ABTB2: variants seen among roughly 807,000 people sequenced by gnomAD.
The protein encoded by ABTB2 is ankyrin repeat and BTB/POZ domain-containing protein 2.
Under a neutral mutation model 104.1 loss-of-function variants are expected in ABTB2, and 56 were observed. The observed-to-expected ratio is 0.54, with a 90% CI of 0.43 to 0.67. The LOEUF is 0.67. Ranked by LOEUF, ABTB2 falls within the 30% of genes least tolerant of loss-of-function variation. The pLI, the probability that ABTB2 is intolerant of heterozygous loss-of-function variation, is 0.00. For missense variants in ABTB2, 1,279 were observed against 1,407.7 expected (o/e 0.91, Z 1.46); for synonymous variants, 606 against 608.2 (o/e 1.00, Z 0.05).
intron 2 of ABTB2, among the ~76,000 whole-genome samples, chr11:34,199,645 G>A (rs1216760213): frequency 6.6e-6 from 1 of 152,126 alleles, no homozygotes; most frequent in African/African-American, 2.4e-5. Flanking sequence ...AACTCAGGGA[G>A]GCTCCCCCGG....
chr11:34,224,953 T>G (rs1853668815), intron 1 of ABTB2, among the ~76,000 whole-genome samples: 1 of 152,254 alleles, frequency 6.6e-6, no homozygotes, highest in Non-Finnish European at 1.5e-5. Flanking sequence ...GTTCACACAG[T>G]TCCAAGAACA....
chr11:34,278,996 G>T (rs1241706040), intron 1 of ABTB2, among the ~76,000 whole-genome samples: 1 of 152,208 alleles, frequency 6.6e-6, no homozygotes, highest in African/African-American at 2.4e-5. Context: ...ATAATGGCCT[G>T]CAAAAAGTAC....
chr11:34,221,523 T>C (rs1319183737), intron 1 of ABTB2, among the ~76,000 whole-genome samples: 1 of 152,100 alleles, frequency 6.6e-6, no homozygotes, highest in Non-Finnish European at 1.5e-5. Flanking sequence ...CTGCTCAGAG[T>C]ACACTGTCCA....
intron 1 of ABTB2, among the ~76,000 whole-genome samples, chr11:34,313,836 T>C (rs2133106637): frequency 6.6e-6 from 1 of 152,362 alleles, no homozygotes; most frequent in Middle Eastern, 3.4e-3. Flanking sequence ...TACTAGTATT[T>C]CTTACCACCC....
intron 1 of ABTB2, among the ~76,000 whole-genome samples, chr11:34,326,789 G>T (rs1855075717): frequency 6.6e-6 from 1 of 152,166 alleles, no homozygotes; most frequent in Non-Finnish European, 1.5e-5. Flanking sequence ...ATCAGTTAGG[G>T]CTGGGTGCGT....
At chr11:34,309,236 AACTG>A (rs1854820511) in intron 1 of ABTB2, among the ~76,000 whole-genome samples, 1 of 152,212 alleles carries the variant, frequency 6.6e-6, no homozygotes, top group Non-Finnish European at 1.5e-5. Context: ...TTTCCACTGC[AACTG>A]ACCACATGTT....
chr11:34,322,103 G>A (rs11032614), intron 1 of ABTB2, among the ~76,000 whole-genome samples: 1 of 152,056 alleles, frequency 6.6e-6, no homozygotes, highest in African/African-American at 2.4e-5. Context: ...GGCTTCTAAC[G>A]ATCTAAGCTA....
intron 1 of ABTB2, among the ~76,000 whole-genome samples, chr11:34,319,413 C>A (rs1373076179): frequency 1.3e-5 from 2 of 152,200 alleles, no homozygotes; most frequent in African/African-American, 4.8e-5. Flanking sequence ...ATCTAGGCAG[C>A]AGGGGAGGAG....
chr11:34,196,113 A>T (rs566286724), intron 3 of ABTB2, among the ~76,000 whole-genome samples: 15 of 152,300 alleles, frequency 9.8e-5, no homozygotes, highest in African/African-American at 3.4e-4. Context: ...GAGCCCATGG[A>T]CAGACCTTAC....
chr11:34,258,605 C>CTTTTTTTTT (rs35853565), intron 1 of ABTB2, among the ~76,000 whole-genome samples: 1 of 95,172 alleles, frequency 1.1e-5, no homozygotes, highest in African/African-American at 4.3e-5. Flanking sequence ...AGTGCCTGCT[C>CTTTTTTTTT]TTTTTTTTTT....
At chr11:34,251,304 A>C (rs1854052991) in intron 1 of ABTB2, among the ~76,000 whole-genome samples, 1 of 152,240 alleles carries the variant, frequency 6.6e-6, no homozygotes, top group Non-Finnish European at 1.5e-5. Context: ...ACAGGCAAGG[A>C]GCCTGCTCAG....
chr11:34,307,971 C>T (rs1017229638), intron 1 of ABTB2, among the ~76,000 whole-genome samples: 1 of 152,236 alleles, frequency 6.6e-6, no homozygotes, highest in Non-Finnish European at 1.5e-5. Flanking sequence ...GCTGGGATTA[C>T]AGGCGTGAGC....
chr11:34,232,636 A>G (rs1853787490), intron 1 of ABTB2, among the ~76,000 whole-genome samples: 2 of 151,926 alleles, frequency 1.3e-5, no homozygotes, highest in African/African-American at 2.4e-5. Context: ...TTACATATCC[A>G]TTTGTTTGCA....
intron 3 of ABTB2, among the ~76,000 whole-genome samples, chr11:34,174,068 C>T (rs1365284930): frequency 6.6e-6 from 1 of 152,170 alleles, no homozygotes; most frequent in African/African-American, 2.4e-5. Context: ...GGCTCGGTGG[C>T]TCACGCCTGT....
chr11:34,323,768 AT>A (rs1395871478), intron 1 of ABTB2, among the ~76,000 whole-genome samples: 1 of 152,220 alleles, frequency 6.6e-6, no homozygotes, highest in Non-Finnish European at 1.5e-5. Context: ...CCAGGGCCAA[AT>A]TAGCACCAGG....
At chr11:34,168,189 C>T (rs1852828167) in intron 5 of ABTB2, among the ~76,000 whole-genome samples, 197 bp from the exon 6 acceptor site, 1 of 152,204 alleles carries the variant, frequency 6.6e-6, no homozygotes, top group South Asian at 2.1e-4. Flanking sequence ...CTGCCATGAG[C>T]ACTGCAGGAC....
chr11:34,312,107 C>G (rs1489522617), intron 1 of ABTB2, among the ~76,000 whole-genome samples: 1 of 148,756 alleles, frequency 6.7e-6, no homozygotes, highest in Non-Finnish European at 1.5e-5. Context: ...TGCCATTGCA[C>G]TCCAGCCTGG....
intron 1 of ABTB2, among the ~76,000 whole-genome samples, chr11:34,245,527 A>G (rs556010845): frequency 7.5e-4 from 114 of 152,326 alleles, no homozygotes; most frequent in South Asian, 1.2e-3. Flanking sequence ...GGCACTCACC[A>G]GACTAACTGG....
At chr11:34,196,802 G>A (rs753622213) in intron 3 of ABTB2, among the ~76,000 whole-genome samples, 2 of 152,202 alleles carry the variant, frequency 1.3e-5, no homozygotes, top group Non-Finnish European at 2.9e-5. Flanking sequence ...GGCCAGGATA[G>A]TCTCCTGTGT....
Sources: allele counts gnomAD v4.1 joint callset (sites outside exome capture counted in the v4.1 genomes callset), GRCh38; gene constraint gnomAD v4.1.1; transcripts MANE v1.5; gene names NCBI Gene and HGNC (gene_info 2026-07-23, HGNC 2026-07-21).